The following SPOCK1 variants were observed in gnomAD, a reference collection of about 807,000 sequenced individuals.
SPOCK1 encodes the protein testican-1.
Under a neutral mutation model 55.3 loss-of-function variants are expected in SPOCK1, and 23 were observed. That is an observed-to-expected ratio of 0.42 (90% confidence interval 0.30 to 0.59). The LOEUF (loss-of-function observed/expected upper bound fraction) is 0.59. Ranked by LOEUF, SPOCK1 falls within the 20% of genes least tolerant of loss-of-function variation. The pLI, the probability that SPOCK1 is intolerant of heterozygous loss-of-function variation, is 0.22. For missense variants in SPOCK1, 499 were observed against 552.5 expected (o/e 0.90, Z 0.97); for synonymous variants, 226 against 221.0 (o/e 1.02, Z -0.20).
At chr5:137,474,828 T>A (rs982865648) in intron 2 of SPOCK1, among the ~76,000 whole-genome samples, 25 of 152,162 alleles carry the variant, frequency 1.6e-4, no homozygotes, top group African/African-American at 6.0e-4. Flanking sequence ...GGGAGAGAGA[T>A]GAAGCTCTTC....
At chr5:137,090,643 G>A (rs746415467) in intron 5 of SPOCK1, among the ~76,000 whole-genome samples, 3 of 152,152 alleles carry the variant, frequency 2.0e-5, no homozygotes, top group Non-Finnish European at 2.9e-5. Flanking sequence ...GGCAGAATTC[G>A]GTCGAGCTTG....
At chr5:137,384,576 A>ATATATATATATATATGTATG (rs747142799) in intron 2 of SPOCK1, among the ~76,000 whole-genome samples, 1 of 140,226 alleles carries the variant, frequency 7.1e-6, no homozygotes, top group African/African-American at 2.8e-5. Context: ...ATATATATAT[A>ATATATATATATATATGTATG]TATGTATGTA....
intron 6 of SPOCK1, among the ~76,000 whole-genome samples, chr5:137,019,758 T>G (rs1035093156): frequency 6.6e-6 from 1 of 151,948 alleles, no homozygotes; most frequent in Non-Finnish European, 1.5e-5. Context: ...AGAAGAAAAG[T>G]GCCCACAGAC....
At chr5:137,307,560 C>T (rs1757719296) in intron 2 of SPOCK1, among the ~76,000 whole-genome samples, 1 of 152,122 alleles carries the variant, frequency 6.6e-6, no homozygotes. Context: ...TAATGGTTTG[C>T]AAAAGTTGTC....
intron 2 of SPOCK1, among the ~76,000 whole-genome samples, chr5:137,475,230 G>T (rs1249115869): frequency 1.3e-5 from 2 of 152,024 alleles, no homozygotes; most frequent in Non-Finnish European, 2.9e-5. Flanking sequence ...GTACAGATGG[G>T]GTGACATTCA....
chr5:136,980,181 C>CA (rs11288318), intron 9 of SPOCK1, among the ~76,000 whole-genome samples: 2,072 of 134,464 alleles, frequency 0.015, 33 homozygotes, highest in African/African-American at 0.046. Flanking sequence ...TGTTTGCAGG[C>CA]AAAAAAAAAA....
intron 2 of SPOCK1, among the ~76,000 whole-genome samples, chr5:137,418,836 T>C (rs948468051): frequency 3.9e-5 from 6 of 152,254 alleles, no homozygotes; most frequent in Admixed American, 1.3e-4. Context: ...TTGGCTTTTG[T>C]TGACATTGCT....
At chr5:137,234,648 C>A (rs746547769) in intron 3 of SPOCK1, among the ~76,000 whole-genome samples, 1 of 152,088 alleles carries the variant, frequency 6.6e-6, no homozygotes, top group Non-Finnish European at 1.5e-5. Flanking sequence ...TATATGTAGA[C>A]GCTGGTCCCT....
intron 5 of SPOCK1, among the ~76,000 whole-genome samples, chr5:137,093,804 G>C (rs1753091501): frequency 1.3e-5 from 2 of 152,206 alleles, no homozygotes; most frequent in African/African-American, 4.8e-5. Context: ...CAAGTGACTG[G>C]AGCAGAGTCA....
intron 2 of SPOCK1, among the ~76,000 whole-genome samples, chr5:137,413,204 G>A (rs1454701680): frequency 6.6e-6 from 1 of 152,050 alleles, no homozygotes; most frequent in African/African-American, 2.4e-5. Context: ...GCTATACTTT[G>A]CTTCTCATTG....
intron 6 of SPOCK1, among the ~76,000 whole-genome samples, chr5:137,022,576 G>A (rs140508956): frequency 6.3e-4 from 96 of 152,300 alleles, no homozygotes; most frequent in African/African-American, 2.3e-3. Flanking sequence ...TTACACTCAT[G>A]CAAGACGCCC....
chr5:137,182,086 TAG>T (rs1225052414), intron 3 of SPOCK1, among the ~76,000 whole-genome samples: 1 of 152,212 alleles, frequency 6.6e-6, no homozygotes, highest in Non-Finnish European at 1.5e-5. Flanking sequence ...CTCTTTCTTA[TAG>T]AGACTGTGTA....
chr5:137,177,490 A>G (rs557750452), intron 3 of SPOCK1, among the ~76,000 whole-genome samples: 10 of 152,112 alleles, frequency 6.6e-5, no homozygotes, highest in Non-Finnish European at 1.2e-4. Flanking sequence ...CAGAGAGGAA[A>G]GTACAAAAAA....
chr5:137,404,410 CTTTTT>C (rs67369576), intron 2 of SPOCK1, among the ~76,000 whole-genome samples: 1 of 117,400 alleles, frequency 8.5e-6, no homozygotes. Context: ...TTCAAAATGA[CTTTTT>C]TTTTTTTTTT....
chr5:137,064,295 T>G (rs2127004542), intron 6 of SPOCK1, among the ~76,000 whole-genome samples: 1 of 152,326 alleles, frequency 6.6e-6, no homozygotes, highest in East Asian at 1.9e-4. Context: ...AGTGACTTTA[T>G]GTTTCACCTC....
chr5:137,379,074 C>G (rs1397845502), intron 2 of SPOCK1, among the ~76,000 whole-genome samples: 3 of 152,124 alleles, frequency 2.0e-5, no homozygotes, highest in African/African-American at 7.2e-5. Context: ...CCAAGCCACA[C>G]TCTTCTCCAA....
intron 5 of SPOCK1, among the ~76,000 whole-genome samples, chr5:137,076,954 C>T (rs1262388562): frequency 2.0e-5 from 3 of 152,078 alleles, no homozygotes; most frequent in East Asian, 3.9e-4. Flanking sequence ...GACAGAGTCT[C>T]GCTCTGTTGC....
At chr5:137,343,757 G>A (rs1445170119) in intron 2 of SPOCK1, among the ~76,000 whole-genome samples, 1 of 152,182 alleles carries the variant, frequency 6.6e-6, no homozygotes, top group Non-Finnish European at 1.5e-5. Flanking sequence ...CTGGTGTTTG[G>A]CTATTCCTGT....
chr5:137,184,762 C>T (rs573129141), intron 3 of SPOCK1, among the ~76,000 whole-genome samples: 1 of 152,246 alleles, frequency 6.6e-6, no homozygotes, highest in Admixed American at 6.5e-5. Flanking sequence ...TCTCCAACTC[C>T]TCCATCACCC....
Sources: allele counts gnomAD v4.1 joint callset (sites outside exome capture counted in the v4.1 genomes callset), GRCh38; gene constraint gnomAD v4.1.1; transcripts MANE v1.5; gene names NCBI Gene and HGNC (gene_info 2026-07-23, HGNC 2026-07-21).